CNKSR1: variants seen among roughly 807,000 people sequenced by gnomAD.
CNKSR1 encodes the protein connector enhancer of kinase suppressor of Ras 1, also known as CNK homolog protein 1.
A neutral mutation model predicts 95.6 loss-of-function variants in CNKSR1; 88 were observed. The observed-to-expected ratio is 0.92, with a 90% CI of 0.78 to 1.10. CNKSR1 has a LOEUF of 1.10. Among genes scored for constraint, CNKSR1 ranks in the 50% least tolerant of loss-of-function variants. The pLI is 0.00. For synonymous variants in CNKSR1, 355 were observed against 369.7 expected (o/e 0.96, Z 0.46); for missense variants, 836 against 912.0 (o/e 0.92, Z 1.07).
intron 1 of CNKSR1, 89 bp downstream of exon 1, chr1:26,177,688 T>A (rs2088583974): frequency 6.7e-7 from 1 of 1,487,320 alleles, no homozygotes; most frequent in Non-Finnish European, 9.3e-7. Flanking sequence ...GGAAAAAAAA[T>A]CTGCGGACTG....
rs189989244 is a variant in CNKSR1, at chr1:26,180,251, G to A, written c.53-202G>A. Reference sequence around the variant, plus strand: ...GGTGAGTCTGCTGCTGCTGGTCTGGGGGCCACTTTTAAGAACCCATGTCCT... The same window carrying A: ...GGTGAGTCTGCTGCTGCTGGTCTGGAGGCCACTTTTAAGAACCCATGTCCT... On this transcript the variant is annotated intron_variant, in intron 1 of 20. Transcript: ENST00000361530. 238 of 638,020 alleles carry A rather than the reference G, an allele frequency of 3.7e-4. 1 individual carries two copies. The Middle Eastern group carries it at 5.5e-3, about 15-fold the overall frequency. The allele number at this position is 638,020 out of a possible 1,614,324, so 39.5% of individuals were successfully genotyped here. A position where few individuals can be genotyped will look rare whatever the true frequency, so the allele number is the denominator to read the frequency against.
At position 26,183,361 on chromosome 1, in the gene CNKSR1, C is replaced by T. The variant is rs200619424; in HGVS notation, c.700C>T (p.Arg234Ter). Reference sequence around the variant, plus strand: ...CCCACGTCAGGTTCCCACTGACTCCCGACTGCAGATCCAGCCTGGAGACGA... The same window carrying T: ...CCCACGTCAGGTTCCCACTGACTCCTGACTGCAGATCCAGCCTGGAGACGA... ...QVDTQVPTDS[R>*]LQIQPGDEVV... The change falls in exon 8 of 21, where the codon CGA (arginine) becomes TGA (stop). Residue 234 changes from arginine (R) to a stop codon, truncating the protein, a stop_gained. Coordinates refer to ENST00000361530, the MANE Select transcript of CNKSR1 (RefSeq NM_006314.3). LOFTEE classifies it high-confidence loss of function. 60 of 1,614,178 alleles carry T rather than the reference C, an allele frequency of 3.7e-5. No homozygotes were observed. The highest frequency in any genetic ancestry group is 1.6e-4 in the Middle Eastern group (1 of 6,062).
At chr1:26,180,264 G>A (rs2088621680) in intron 1 of CNKSR1, 189 bp from the exon 2 acceptor site, 1 of 675,060 alleles carries the variant, frequency 1.5e-6, no homozygotes, top group Non-Finnish European at 2.5e-6. Context: ...CCACTTTTAA[G>A]AACCCATGTC....
intron 1 of CNKSR1, among the ~76,000 whole-genome samples, chr1:26,178,693 T>C (rs985929592): frequency 6.6e-6 from 1 of 152,202 alleles, no homozygotes; most frequent in Non-Finnish European, 1.5e-5. Context: ...TCTGTGACCA[T>C]AGGTCTTAGT....
chr1:26,184,968 C>G (rs1294168871), intron 13 of CNKSR1, 46 bp from the exon 14 acceptor site: 1 of 1,542,424 alleles, frequency 6.5e-7, no homozygotes, highest in Non-Finnish European at 8.7e-7. Context: ...TTAGCGGGGG[C>G]ACCTTGCCAG....
intron 9 of CNKSR1, 113 bp downstream of exon 9, chr1:26,183,943 GCTGCGCCCCCCTAGC>G: frequency 1.8e-6 from 1 of 568,426 alleles, no homozygotes; most frequent in Non-Finnish European, 3.2e-6. Context: ...ACCTTCCCCT[GCTGCGCCCCCCTAGC>G]TCCCTTCAGA....
chr1:26,186,270 C>A (rs1427071103), intron 14 of CNKSR1, among the ~76,000 whole-genome samples: 1 of 152,216 alleles, frequency 6.6e-6, no homozygotes, highest in Non-Finnish European at 1.5e-5. Context: ...ACTGAAGGAA[C>A]AAATGCATGA....
intron 3 of CNKSR1, chr1:26,181,156 C>T: frequency 2.3e-6 from 1 of 431,092 alleles, no homozygotes; most frequent in Non-Finnish European, 4.4e-6. Context: ...TGGTGCGCAC[C>T]TGTAATCCCA....
At chr1:26,183,550 G>C in intron 8 of CNKSR1, 136 bp downstream of exon 8, 1 of 1,080,174 alleles carries the variant, frequency 9.3e-7, no homozygotes, top group Non-Finnish European at 1.4e-6. Context: ...AGCTAAGTCT[G>C]GTGAGAGCAT....
In CNKSR1 at chr1:26,189,656, T is replaced by C; in HGVS notation, c.*108T>C. On this transcript the variant is annotated 3_prime_UTR_variant, in exon 21 of 21. Transcript: ENST00000361530. ...CCTGGATTCTGTTCAGGGTGGGAAG[T>C]AGTACTGCTAGTCATGGTCTCACCC... 1.3e-6 allele frequency: 1 copy of C among 788,128 alleles called. No homozygotes were observed. The highest frequency in any genetic ancestry group is 1.3e-5 in the South Asian group (1 of 74,630). 48.8% of individuals were successfully genotyped at this position (788,128 alleles called of 1,614,324 possible).
chr1:26,182,448 C>T (rs1456514240), intron 5 of CNKSR1, 32 bp from the exon 6 acceptor site: 8 of 1,613,492 alleles, frequency 5.0e-6, no homozygotes, highest in Non-Finnish European at 6.8e-6. Flanking sequence ...GGCGATCGGG[C>T]TCAGGCTACA....
rs765108650 is a variant in CNKSR1, at chr1:26,185,136, C to A, written c.1258C>A (p.Arg420Ser). 2 of 1,577,588 alleles carry A rather than the reference C, an allele frequency of 1.3e-6. No homozygotes were observed. Among genetic ancestry groups the A allele is most frequent in the Non-Finnish European group, 1.7e-6 (2 of 1,162,296 alleles). The change falls in exon 14 of 21, where the codon CGC becomes AGC. Residue 420 changes from arginine (R) to serine (S), a missense_variant. Arg to Ser is a moderately radical substitution (Grantham distance 110). Coordinates refer to ENST00000361530, the MANE Select transcript of CNKSR1 (RefSeq NM_006314.3). ...GGFMGPRWRR[R>S]WFVLKGHTLY... ...CTTCATGGGCCCGCGCTGGCGCCGC[C>A]GCTGGTTTGTGCTCAAGGGACACAC...
rs1423372390 is a variant in CNKSR1 at position 26,181,854 on chromosome 1, C to T, written c.393-3C>T. 8 of 1,613,934 alleles carry T rather than the reference C, an allele frequency of 5.0e-6. No homozygotes were observed. Among genetic ancestry groups the T allele is most frequent in the Admixed American group, 1.7e-5 (1 of 60,004 alleles). Reference sequence around the variant, plus strand: ...AACCACTGTGCTATTCTTCCCCTGCCAGGTACCTCTTCTCCCACTTAAATG... The same window carrying T: ...AACCACTGTGCTATTCTTCCCCTGCTAGGTACCTCTTCTCCCACTTAAATG... On this transcript the variant is annotated splice_region_variant and splice_polypyrimidine_tract_variant and intron_variant, in intron 3 of 20. Transcript: ENST00000361530.
At chr1:26,188,133 T>C (rs1187870212) in intron 16 of CNKSR1, 101 bp from the exon 17 acceptor site, 2 of 962,730 alleles carry the variant, frequency 2.1e-6, no homozygotes, top group African/African-American at 3.2e-5. Flanking sequence ...CTCTCAGAGT[T>C]GCTCTGAGGA....
At position 26,180,889 on chromosome 1, in the gene CNKSR1, C is replaced by T. The variant is rs140313604; in HGVS notation, c.385C>T (p.Leu129Phe). 7 of 1,614,220 alleles carry T rather than the reference C, an allele frequency of 4.3e-6. No individual in the cohort carries two copies. Among genetic ancestry groups the T allele is most frequent in the Non-Finnish European group, 5.1e-6 (6 of 1,180,044 alleles). The part of the protein sequence containing the change: ...LHEADALLFW[L>F]SRYLFSHLND... ...TGAAGCTGACGCCCTCCTCTTCTGG[C>T]TCAGCAGGTACCCGGGTTGGGGTGA... Residue 129 changes from leucine to phenylalanine, a missense_variant, in exon 3 of 21, where the codon CTC (leucine) becomes TTC (phenylalanine). Physicochemically the swap from Leu to Phe is conservative, Grantham distance 22. Transcript: ENST00000361530.
intron 4 of CNKSR1, 89 bp downstream of exon 4, chr1:26,182,030 G>A (rs772790784): frequency 1.5e-5 from 18 of 1,238,752 alleles, no homozygotes; most frequent in African/African-American, 3.0e-5. Flanking sequence ...GCCCAGGATC[G>A]AGTATGAGGA....
intron 17 of CNKSR1, 34 bp downstream of exon 17, chr1:26,188,341 C>T (rs755216063): frequency 6.2e-7 from 1 of 1,612,858 alleles, no homozygotes; most frequent in African/African-American, 1.3e-5. Flanking sequence ...GGGAGGAACC[C>T]TCACCTGAGC....
At position 26,183,359 on chromosome 1, in the gene CNKSR1, C is replaced by A; in HGVS notation, c.698C>A (p.Ser233Tyr). Residue 233 changes from serine (S) to tyrosine (Y), a missense_variant, in exon 8 of 21, where the codon TCC becomes TAC. Coordinates refer to ENST00000361530, the MANE Select transcript of CNKSR1 (RefSeq NM_006314.3). ...SQVDTQVPTD[S>Y]RLQIQPGDEV... is the part of the protein sequence containing the mutation. ...TCCCCACGTCAGGTTCCCACTGACT[C>A]CCGACTGCAGATCCAGCCTGGAGAC... is the stretch of plus-strand genomic sequence containing the variant. 2.5e-6 allele frequency: 4 copies of A among 1,614,190 alleles called. No homozygotes were observed. The highest frequency in any genetic ancestry group is 3.4e-6 in the Non-Finnish European group (4 of 1,180,028).
At chr1:26,181,095 C>T (rs1020214801) in intron 3 of CNKSR1, 199 bp downstream of exon 3, 34 of 626,328 alleles carry the variant, frequency 5.4e-5, no homozygotes, top group African/African-American at 4.6e-4. Context: ...GCCTGGCCAA[C>T]ATGGTGAAAC....
Sources: allele counts gnomAD v4.1 joint callset (sites outside exome capture counted in the v4.1 genomes callset), GRCh38; gene constraint gnomAD v4.1.1; transcripts MANE v1.5; gene names NCBI Gene and HGNC (gene_info 2026-07-23, HGNC 2026-07-21).